The following TMEM135 variants were observed in gnomAD, a reference collection of about 807,000 sequenced individuals.
The protein encoded by TMEM135 is transmembrane protein 135, also known as peroxisomal membrane protein 52.
In TMEM135, 30 loss-of-function variants were observed where a neutral mutation model predicts 60.3. The observed-to-expected ratio is 0.50, with a 90% confidence interval of 0.37 to 0.68. The LOEUF is 0.68. Among genes scored for constraint, TMEM135 ranks in the 30% least tolerant of loss-of-function variants. The pLI is 0.00. For synonymous variants in TMEM135, 190 were observed against 186.7 expected (o/e 1.02, Z -0.14); for missense variants, 468 against 548.8 (o/e 0.85, Z 1.47).
chr11:87,237,900 T>G (rs1404746097), intron 6 of TMEM135, among the ~76,000 whole-genome samples: 1 of 151,936 alleles, frequency 6.6e-6, no homozygotes, highest in African/African-American at 2.4e-5. Flanking sequence ...ATCCCACAAA[T>G]AAGTGAGAAC....
chr11:87,250,610 T>A (rs518560), intron 6 of TMEM135, among the ~76,000 whole-genome samples: 99,966 of 151,770 alleles, frequency 0.66, 33,495 homozygotes, highest in Non-Finnish European at 0.71. Context: ...TTCTAATTTT[T>A]TTCCGTTCTG....
At chr11:87,285,187 A>G (rs968994378) in intron 6 of TMEM135, among the ~76,000 whole-genome samples, 11 of 152,258 alleles carry the variant, frequency 7.2e-5, no homozygotes, top group African/African-American at 9.6e-5. Context: ...ATACTAAATT[A>G]TAAGTTAGTA....
chr11:87,290,091 G>A (rs1170234210), intron 6 of TMEM135, among the ~76,000 whole-genome samples: 2 of 152,078 alleles, frequency 1.3e-5, no homozygotes, highest in East Asian at 3.8e-4. Flanking sequence ...GATTTATAAA[G>A]TACATCTTTT....
intron 6 of TMEM135, among the ~76,000 whole-genome samples, chr11:87,254,253 C>T (rs1941478757): frequency 6.6e-6 from 1 of 151,998 alleles, no homozygotes; most frequent in South Asian, 2.1e-4. Flanking sequence ...GAATGATACT[C>T]AGTTAAAAAA....
chr11:87,301,038 G>A (rs574703312), intron 7 of TMEM135, among the ~76,000 whole-genome samples: 10 of 152,222 alleles, frequency 6.6e-5, no homozygotes, highest in South Asian at 4.1e-4. Context: ...ATGTACACCC[G>A]TAAGTAAGAA....
At chr11:87,073,834 A>G (rs1159860116) in intron 3 of TMEM135, among the ~76,000 whole-genome samples, 2 of 151,824 alleles carry the variant, frequency 1.3e-5, no homozygotes, top group East Asian at 3.9e-4. Context: ...CGCCTGGCTA[A>G]TTTTTGTATT....
intron 5 of TMEM135, among the ~76,000 whole-genome samples, chr11:87,184,988 G>T (rs1939614225): frequency 6.6e-6 from 1 of 152,000 alleles, no homozygotes; most frequent in South Asian, 2.1e-4. Context: ...AAAGTAAAGA[G>T]GATAATCCCC....
intron 3 of TMEM135, among the ~76,000 whole-genome samples, chr11:87,084,176 G>T (rs1303657315): frequency 6.6e-6 from 1 of 152,158 alleles, no homozygotes; most frequent in African/African-American, 2.4e-5. Context: ...GCTGTTAGAT[G>T]ATAATAATGC....
chr11:87,094,475 ACTT>A (rs1248828428), intron 4 of TMEM135, among the ~76,000 whole-genome samples: 1 of 151,996 alleles, frequency 6.6e-6, no homozygotes, highest in Non-Finnish European at 1.5e-5. Flanking sequence ...GCTCCTCATT[ACTT>A]CTTCTCCCCT....
intron 3 of TMEM135, among the ~76,000 whole-genome samples, chr11:87,089,298 G>T (rs1857158805): frequency 6.6e-6 from 1 of 152,162 alleles, no homozygotes; most frequent in African/African-American, 2.4e-5. Flanking sequence ...ACTTTGGGGT[G>T]CCAGGGCAGG....
chr11:87,212,681 G>C (rs1215421213), intron 5 of TMEM135, among the ~76,000 whole-genome samples: 1 of 151,960 alleles, frequency 6.6e-6, no homozygotes, highest in Non-Finnish European at 1.5e-5. Flanking sequence ...AAATTAGCTG[G>C]ACATGGTGGC....
chr11:87,297,246 A>G (rs1035895260), intron 7 of TMEM135, among the ~76,000 whole-genome samples: 2 of 152,172 alleles, frequency 1.3e-5, no homozygotes, highest in African/African-American at 4.8e-5. Flanking sequence ...CCAGCCACGT[A>G]TTGAAAACCA....
intron 1 of TMEM135, among the ~76,000 whole-genome samples, chr11:87,053,815 G>T (rs1949865717): frequency 6.6e-6 from 1 of 152,062 alleles, no homozygotes; most frequent in African/African-American, 2.4e-5. Flanking sequence ...TTGACCGCAG[G>T]TTAAACTTTT....
intron 6 of TMEM135, among the ~76,000 whole-genome samples, chr11:87,250,419 T>C (rs1941389719): frequency 6.6e-6 from 1 of 152,058 alleles, no homozygotes; most frequent in African/African-American, 2.4e-5. Flanking sequence ...TGTAGGTGCT[T>C]ATTATAAACT....
At chr11:87,055,680 T>C (rs1400662579) in intron 1 of TMEM135, among the ~76,000 whole-genome samples, 2 of 151,816 alleles carry the variant, frequency 1.3e-5, no homozygotes, top group Admixed American at 6.6e-5. Flanking sequence ...AACCTCCGCC[T>C]CCTAGGTTCA....
At chr11:87,136,208 TGA>T (rs1341803289) in intron 4 of TMEM135, among the ~76,000 whole-genome samples, 4 of 152,044 alleles carry the variant, frequency 2.6e-5, no homozygotes, top group Non-Finnish European at 5.9e-5. Context: ...GTATGCCTTA[TGA>T]GAGTTAAAAA....
intron 10 of TMEM135, among the ~76,000 whole-genome samples, chr11:87,313,003 G>C (rs921110249): frequency 4.6e-5 from 7 of 151,642 alleles, no homozygotes; most frequent in African/African-American, 1.7e-4. Flanking sequence ...GATTTTCTCA[G>C]CTTTTATCTG....
At position 87,271,778 on chromosome 11, in the gene TMEM135, A is replaced by G. The variant is rs372283826; in HGVS notation, c.510-24004A>G. Reference sequence around the variant, plus strand: ...GTGAAATCCCCTCTCTATAAAAAATACAAAAAAAATACCTGAGCTTGGCAG... The same window carrying G: ...GTGAAATCCCCTCTCTATAAAAAATGCAAAAAAAATACCTGAGCTTGGCAG... On this transcript the variant is annotated intron_variant, in intron 6 of 14. Coordinates refer to ENST00000305494, the MANE Select transcript of TMEM135 (RefSeq NM_022918.4). Among the ~76,000 whole-genome samples, 17 of 152,084 alleles carry G rather than the reference A, an allele frequency of 1.1e-4. No homozygotes were observed. The East Asian group carries it at 2.7e-3, about 24-fold the overall frequency.
intron 1 of TMEM135, among the ~76,000 whole-genome samples, chr11:87,043,539 C>T (rs941822297): frequency 2.0e-5 from 3 of 151,770 alleles, no homozygotes; most frequent in Non-Finnish European, 4.4e-5. Context: ...TCCTGGCCAA[C>T]ATGGTGAAAC....
Sources: gnomAD v4.1 joint callset for allele counts (sites outside exome capture counted in the v4.1 genomes callset) on GRCh38, gnomAD v4.1.1 for gene constraint, MANE v1.5 for transcripts, NCBI Gene and HGNC (gene_info 2026-07-23, HGNC 2026-07-21) for gene names.